CARD8: variants seen among roughly 807,000 people sequenced by gnomAD.
CARD8 encodes caspase recruitment domain-containing protein 8.
Under a neutral mutation model 53.2 loss-of-function variants are expected in CARD8, and 38 were observed. That is an observed-to-expected ratio of 0.71 (90% CI 0.55 to 0.94). The LOEUF is 0.94. Among genes scored for constraint, CARD8 ranks in the 40% least tolerant of loss-of-function variants. The pLI is 0.00. For synonymous variants in CARD8, 245 were observed against 244.9 expected (o/e 1.00, Z 0.00); for missense variants, 561 against 655.5 (o/e 0.86, Z 1.57).
chr19:48,230,367 T>C, intron 10 of CARD8, 71 bp downstream of exon 10: 1 of 1,492,434 alleles, frequency 6.7e-7, no homozygotes, highest in Non-Finnish European at 9.0e-7. Context: ...CACGAGGAAC[T>C]GGAGGGGCCA....
At chr19:48,207,733 TG>T (rs765590691), downstream of CARD8, among the ~76,000 whole-genome samples, 1 of 67,986 alleles carries the variant, frequency 1.5e-5, no homozygotes, top group Non-Finnish European at 3.7e-5. Flanking sequence ...GTTGTTTTTC[TG>T]TTTTTTTTTT....
chr19:48,233,341 T>C (rs1265861649), intron 6 of CARD8: 2 of 456,294 alleles, frequency 4.4e-6, no homozygotes, highest in Non-Finnish European at 8.8e-6. Flanking sequence ...TATCTGTTTA[T>C]TTCGACGTGA....
At chr19:48,239,371 C>T (rs2044526719) in intron 4 of CARD8, among the ~76,000 whole-genome samples, 2 of 152,030 alleles carry the variant, frequency 1.3e-5, no homozygotes, top group African/African-American at 4.8e-5. Context: ...GCTAAAATTA[C>T]TTAGCGCAAG....
At chr19:48,234,654 T>C in intron 5 of CARD8, 111 bp from the exon 6 acceptor site, 1 of 996,154 alleles carries the variant, frequency 1.0e-6, no homozygotes, top group East Asian at 2.8e-5. Context: ...ATATTTTATC[T>C]TAGGGAAGTC....
chr19:48,204,501 T>C (rs1266798399), downstream of CARD8, among the ~76,000 whole-genome samples: 2 of 151,966 alleles, frequency 1.3e-5, no homozygotes, highest in Non-Finnish European at 2.9e-5. Context: ...GGAAACGCAG[T>C]AGGATCCGCC....
chr19:48,242,115 A>G (rs2045255009), intron 3 of CARD8, among the ~76,000 whole-genome samples: 1 of 152,144 alleles, frequency 6.6e-6, no homozygotes, highest in African/African-American at 2.4e-5. Flanking sequence ...GTCCACCCTC[A>G]AGTTCATGTG....
chr19:48,207,734 G>GTTTTTTT (rs758903014), downstream of CARD8, among the ~76,000 whole-genome samples: 21 of 116,526 alleles, frequency 1.8e-4, no homozygotes, highest in African/African-American at 6.3e-4. Flanking sequence ...TTGTTTTTCT[G>GTTTTTTT]TTTTTTTTTT....
chr19:48,238,624 C>T lies in CARD8; in HGVS notation c.60-92G>A, dbSNP rs568569844. On this transcript the variant is annotated intron_variant, in intron 4 of 13. Coordinates refer to ENST00000651546, the MANE Select transcript of CARD8 (RefSeq NM_001184900.3). ...TCACTGTGATGTAGCGAAAGTAGCC[C>T]GATCCTTAGAGATATCCATCCTTAG... 109 of 1,221,450 alleles carry T rather than the reference C, an allele frequency of 8.9e-5. 1 individual carries two copies. The African/African-American group carries it at 1.1e-3, about 12-fold the overall frequency. 75.7% of individuals were successfully genotyped at this position (1,221,450 alleles called of 1,614,324 possible). A position where few individuals can be genotyped will look rare whatever the true frequency, so the allele number is the denominator to read the frequency against.
chr19:48,249,911 T>C (rs374990560), intron 1 of CARD8, 64 bp from the exon 2 acceptor site: 3 of 152,222 alleles, frequency 2.0e-5, no homozygotes, highest in South Asian at 2.1e-4. Context: ...CCTCCGCTTG[T>C]TGAAAACAAA....
Position 48,231,810 on chromosome 19 carries a change from C to T in CARD8, c.392G>A (p.Gly131Glu), listed in dbSNP as rs752059349. The change falls in exon 8 of 14, where the codon GGA (glycine) becomes GAA (glutamate). Residue 131 changes from glycine (G) to glutamate (E), a missense_variant and splice_region_variant. Transcript: ENST00000651546. The stretch of plus-strand genomic sequence containing the variant: ...TTGATTCTCTTCTGAGCAAATGTCT[C>T]CTGAAAAGAAAATACTAGACATGTA... ...EQESSEGQDS[G>E]DICSEENQIV... is the part of the protein sequence containing the mutation. 1.2e-5 allele frequency: 20 copies of T among 1,613,532 alleles called. No individual in the cohort carries two copies. The East Asian group carries it at 4.0e-4, about 32-fold the overall frequency.
intron 13 of CARD8, chr19:48,212,819 A>G (rs1008640335): frequency 3.3e-5 from 5 of 152,218 alleles, no homozygotes; most frequent in African/African-American, 1.2e-4. Flanking sequence ...CTGATTCTTA[A>G]CCAAGCTCCT....
downstream of CARD8, among the ~76,000 whole-genome samples, chr19:48,207,770 C>CT: frequency 1.1e-5 from 1 of 91,530 alleles, no homozygotes; most frequent in East Asian, 2.7e-4. Flanking sequence ...GAATGAGACT[C>CT]TGTCAGCCAG....
intron 10 of CARD8, among the ~76,000 whole-genome samples, chr19:48,222,889 C>A (rs1041767218): frequency 2.0e-5 from 3 of 152,160 alleles, no homozygotes; most frequent in South Asian, 2.1e-4. Context: ...AGGATAATGA[C>A]CAAGAGGGAC....
intron 10 of CARD8, among the ~76,000 whole-genome samples, chr19:48,228,895 T>C (rs1007439111): frequency 1.3e-5 from 2 of 152,028 alleles, no homozygotes; most frequent in African/African-American, 2.4e-5. Flanking sequence ...TCCCAGAACT[T>C]CGGGAGGCTG....
downstream of CARD8, among the ~76,000 whole-genome samples, chr19:48,205,140 G>A (rs143594932): frequency 2.0e-4 from 30 of 152,282 alleles, no homozygotes; most frequent in South Asian, 3.5e-3. Flanking sequence ...TGAAGCTAAC[G>A]CCAAGATCAG....
intron 5 of CARD8, among the ~76,000 whole-genome samples, chr19:48,237,923 C>T (rs958188366): frequency 7.2e-5 from 11 of 152,116 alleles, no homozygotes; most frequent in African/African-American, 2.7e-4. Context: ...CAAAGCCTCA[C>T]TCTGTCTCCC....
In CARD8 at chr19:48,234,410, T is replaced by C. The variant is rs1424479698; in HGVS notation, c.343A>G (p.Ile115Val). The part of the protein sequence containing the change: ...VPECQLSGGD[I>V]PSVSEEQESS... ...CGGAATAGCTTTTCTTACCTGGGAA[T>C]GTCCCCCCCAGATAGTTGACACTCA... Residue 115 changes from isoleucine to valine, a missense_variant, in exon 6 of 14, where the codon ATT (isoleucine) becomes GTT (valine). Ile to Val is a conservative substitution (Grantham distance 29). Transcript: ENST00000651546. 5.0e-6 allele frequency: 8 copies of C among 1,609,188 alleles called. No homozygotes were observed. Among genetic ancestry groups the C allele is most frequent in the African/African-American group, 1.3e-5 (1 of 74,656 alleles).
chr19:48,231,600 G>A, intron 8 of CARD8, 60 bp downstream of exon 8: 2 of 1,509,448 alleles, frequency 1.3e-6, no homozygotes, highest in African/African-American at 1.4e-5. Context: ...ACCACGCCTG[G>A]CCTACACACT....
chr19:48,231,015 A>T lies in CARD8; in HGVS notation c.543-9T>A, dbSNP rs752981551. 68 of 1,607,894 alleles carry T rather than the reference A, an allele frequency of 4.2e-5. No homozygotes were observed. The highest frequency in any genetic ancestry group is 5.6e-5 in the Non-Finnish European group (66 of 1,174,522). On this transcript the variant is annotated splice_polypyrimidine_tract_variant and intron_variant, in intron 8 of 13. Transcript: ENST00000651546. ...CAGTGGGGAACCAAACGCTGAAAGGAGCCAGAGTGATGTCATGACGGGAGA... is the reference window on the plus strand; with the variant it reads ...CAGTGGGGAACCAAACGCTGAAAGGTGCCAGAGTGATGTCATGACGGGAGA...
Sources: allele counts gnomAD v4.1 joint callset (sites outside exome capture counted in the v4.1 genomes callset), GRCh38; gene constraint gnomAD v4.1.1; transcripts MANE v1.5; gene names NCBI Gene and HGNC (gene_info 2026-07-23, HGNC 2026-07-21).